STK3: variants seen among roughly 807,000 people sequenced by gnomAD.
STK3 encodes the protein serine/threonine-protein kinase 3.
STK3 carries 41 observed loss-of-function variants against 58.0 expected under a neutral mutation model. The observed-to-expected ratio is 0.71, with a 90% confidence interval of 0.55 to 0.92. The LOEUF (loss-of-function observed/expected upper bound fraction) is 0.92, where lower values mean the gene tolerates loss of function less well. Ranked by LOEUF, STK3 falls within the 40% of genes least tolerant of loss-of-function variation. The pLI is 0.00. For synonymous variants in STK3, 170 were observed against 191.0 expected (o/e 0.89, Z 0.91); for missense variants, 479 against 602.7 (o/e 0.79, Z 2.15).
intron 10 of STK3, among the ~76,000 whole-genome samples, chr8:98,504,795 C>T (rs992694210): frequency 6.6e-5 from 10 of 152,154 alleles, no homozygotes; most frequent in African/African-American, 2.4e-4. Flanking sequence ...GTGGGTAACT[C>T]GATCTTTCTC....
chr8:98,749,157 A>T (rs1312291414), intron 4 of STK3, 119 bp downstream of exon 4: 3 of 695,208 alleles, frequency 4.3e-6, no homozygotes, highest in Non-Finnish European at 7.1e-6. Flanking sequence ...TCTTTACACC[A>T]CTTAAAACCT....
At chr8:98,691,955 ATGAAT>A (rs1824443369) in intron 6 of STK3, among the ~76,000 whole-genome samples, 1 of 151,926 alleles carries the variant, frequency 6.6e-6, no homozygotes, top group Non-Finnish European at 1.5e-5. Context: ...AAATGGGCAA[ATGAAT>A]TGAATAGACA....
rs1037052155 is a variant in STK3, at chr8:98,376,462, T to C, written n.111+2691A>G. 5.2e-5 allele frequency among the ~76,000 whole-genome samples: 8 copies of C among 152,384 alleles called. No individual in the cohort carries two copies. The East Asian group carries it at 5.8e-4, about 11-fold the overall frequency. ...CTCATCATTTATAAAAAAGATTATA[T>C]TTTAATACCATGTCTAAGGGCTCAT... is the stretch of plus-strand genomic sequence containing the variant. On this transcript the variant is annotated intron_variant and non_coding_transcript_variant, in intron 2 of 2. Coordinates refer to the STK3 transcript ENST00000518704.
chr8:98,699,041 TC>T (rs1825280570), intron 6 of STK3, among the ~76,000 whole-genome samples: 1 of 152,248 alleles, frequency 6.6e-6, no homozygotes, highest in Non-Finnish European at 1.5e-5. Flanking sequence ...GTCCCATATT[TC>T]TTGGAGGCTT....
chr8:98,373,134 C>T (rs545898575), intron 2 of STK3, among the ~76,000 whole-genome samples: 1 of 152,202 alleles, frequency 6.6e-6, no homozygotes, highest in Admixed American at 6.5e-5. Flanking sequence ...GAGAACAGCC[C>T]CTCCCACCAG....
chr8:98,669,389 T>C (rs1463251449), intron 6 of STK3, among the ~76,000 whole-genome samples: 1 of 152,198 alleles, frequency 6.6e-6, no homozygotes, highest in African/African-American at 2.4e-5. Flanking sequence ...GCAAGACTCC[T>C]CTAATTGATC....
intron 1 of STK3, among the ~76,000 whole-genome samples, chr8:98,816,188 C>T (rs1587692849): frequency 6.6e-6 from 1 of 152,172 alleles, no homozygotes; most frequent in South Asian, 2.1e-4. Flanking sequence ...GGATGGAGGA[C>T]TAAACTAAAG....
intron 6 of STK3, among the ~76,000 whole-genome samples, chr8:98,682,470 G>A (rs571591919): frequency 2.0e-4 from 31 of 152,186 alleles, no homozygotes; most frequent in African/African-American, 6.3e-4. Flanking sequence ...GTCACTTACC[G>A]AAATGCTTAC....
intron 1 of STK3, chr8:98,904,812 G>A: frequency 1.5e-6 from 1 of 661,138 alleles, no homozygotes; most frequent in Non-Finnish European, 2.9e-6. Context: ...AGTAGCTGAA[G>A]TGGCAGCAGC....
chr8:98,567,686 G>C (rs1277881630), intron 8 of STK3, among the ~76,000 whole-genome samples: 1 of 152,032 alleles, frequency 6.6e-6, no homozygotes, highest in Non-Finnish European at 1.5e-5. Flanking sequence ...GGGCACTCAA[G>C]GAGTTTGTTA....
chr8:98,789,567 G>T (rs1168445502), intron 1 of STK3, among the ~76,000 whole-genome samples: 2 of 151,964 alleles, frequency 1.3e-5, no homozygotes, highest in African/African-American at 4.8e-5. Flanking sequence ...AACCGAAAAG[G>T]GAGATATTAC....
chr8:98,483,891 A>G (rs1212802154), intron 10 of STK3, among the ~76,000 whole-genome samples: 2 of 152,188 alleles, frequency 1.3e-5, no homozygotes, highest in Non-Finnish European at 2.9e-5. Context: ...GATTTAAATT[A>G]TACAACAGAA....
At chr8:98,403,302 T>C (rs1563593468) in intron 3 of STK3, among the ~76,000 whole-genome samples, 2 of 152,368 alleles carry the variant, frequency 1.3e-5, no homozygotes, top group East Asian at 3.9e-4. Flanking sequence ...TTAACTCTTC[T>C]GAGCCTGGGC....
At chr8:98,602,321 G>C (rs1361225408) in intron 6 of STK3, 2 of 152,172 alleles carry the variant, frequency 1.3e-5, no homozygotes, top group African/African-American at 4.8e-5. Flanking sequence ...CCACCTTTGT[G>C]AATGGAATTA....
intron 6 of STK3, among the ~76,000 whole-genome samples, chr8:98,658,469 A>G (rs1003093970): frequency 5.3e-5 from 8 of 152,060 alleles, no homozygotes; most frequent in Admixed American, 5.2e-4. Flanking sequence ...AGAGATCAAA[A>G]GGCAACCAAC....
At chr8:98,535,447 C>T (rs576659093) in intron 9 of STK3, among the ~76,000 whole-genome samples, 10 of 142,958 alleles carry the variant, frequency 7.0e-5, no homozygotes, top group African/African-American at 2.3e-4. Flanking sequence ...GACCACATTG[C>T]TTTCATTAAT....
chr8:98,923,854 T>A (rs59826127), intron 1 of STK3, among the ~76,000 whole-genome samples: 1 of 113,620 alleles, frequency 8.8e-6, no homozygotes, highest in Non-Finnish European at 1.9e-5. Flanking sequence ...TGTGTGTGTG[T>A]GCGCGCGCGC....
chr8:98,509,873 TACTA>T (rs1275829879), intron 10 of STK3, among the ~76,000 whole-genome samples: 3 of 152,048 alleles, frequency 2.0e-5, no homozygotes, highest in Non-Finnish European at 4.4e-5. Context: ...TTCTAAAACT[TACTA>T]ACATTTTATT....
intron 6 of STK3, among the ~76,000 whole-genome samples, chr8:98,646,385 C>G (rs964384524): frequency 2.0e-5 from 3 of 152,194 alleles, no homozygotes; most frequent in Non-Finnish European, 2.9e-5. Flanking sequence ...TAATAACCCA[C>G]TTATCTATTC....
Sources: gnomAD v4.1 joint callset for allele counts (sites outside exome capture counted in the v4.1 genomes callset) on GRCh38, gnomAD v4.1.1 for gene constraint, MANE v1.5 for transcripts, NCBI Gene and HGNC (gene_info 2026-07-23, HGNC 2026-07-21) for gene names.